Variants in SUGCT observed in about 807,000 individuals in gnomAD.
SUGCT encodes the protein succinyl-CoA:glutarate-CoA transferase.
SUGCT carries 41 observed loss-of-function variants against 55.0 expected under a neutral mutation model. The observed-to-expected ratio is 0.74, with a 90% CI of 0.58 to 0.97. SUGCT has a LOEUF of 0.97. Among genes scored for constraint, SUGCT ranks in the 50% least tolerant of loss-of-function variants. The pLI is 0.00. For missense variants in SUGCT, 568 were observed against 547.8 expected (o/e 1.04, Z -0.37); for synonymous variants, 187 against 200.4 (o/e 0.93, Z 0.56).
At chr7:40,262,588 C>G (rs1007133984) in intron 7 of SUGCT, among the ~76,000 whole-genome samples, 2 of 151,976 alleles carry the variant, frequency 1.3e-5, no homozygotes, top group East Asian at 1.9e-4. Context: ...TGGTGTGAAC[C>G]CTGGAGGTGG....
At chr7:40,543,293 C>CA (rs1794805599) in intron 12 of SUGCT, among the ~76,000 whole-genome samples, 1 of 152,062 alleles carries the variant, frequency 6.6e-6, no homozygotes, top group African/African-American at 2.4e-5. Context: ...TTATTTAGTT[C>CA]AAAAACAGTA....
intron 8 of SUGCT, among the ~76,000 whole-genome samples, chr7:40,292,848 T>C (rs1793873806): frequency 6.6e-6 from 1 of 152,208 alleles, no homozygotes; most frequent in South Asian, 2.1e-4. Flanking sequence ...ACTTGAGATA[T>C]CAGCTCAATG....
intron 6 of SUGCT, among the ~76,000 whole-genome samples, chr7:40,198,587 G>C (rs980129688): frequency 6.6e-6 from 1 of 152,118 alleles, no homozygotes; most frequent in Admixed American, 6.5e-5. Context: ...TTGGCTGGGC[G>C]TGGTGGCTCA....
intron 12 of SUGCT, among the ~76,000 whole-genome samples, chr7:40,676,907 GT>G (rs1784015875): frequency 6.6e-6 from 1 of 151,276 alleles, no homozygotes; most frequent in Non-Finnish European, 1.5e-5. Flanking sequence ...GTGTGTGTGT[GT>G]GTGTGTGTGT....
At chr7:40,825,141 A>G (rs1792252380) in intron 13 of SUGCT, among the ~76,000 whole-genome samples, 1 of 152,222 alleles carries the variant, frequency 6.6e-6, no homozygotes, top group Admixed American at 6.5e-5. Context: ...TGGAAGTAGT[A>G]TACACAACCT....
At chr7:40,990,838 C>T in the SUGCT span, among the ~76,000 whole-genome samples, 1 of 152,174 alleles carries the variant, frequency 6.6e-6, no homozygotes, top group Non-Finnish European at 1.5e-5. Context: ...TCAAATTTTT[C>T]TTCTACAGCT....
At chr7:40,290,792 C>A (rs1198084723) in intron 8 of SUGCT, among the ~76,000 whole-genome samples, 6 of 152,112 alleles carry the variant, frequency 3.9e-5, no homozygotes, top group African/African-American at 1.2e-4. Context: ...CTACAATGAA[C>A]TCAAACAAAT....
chr7:40,188,769 C>CT (rs1267135433), intron 4 of SUGCT, among the ~76,000 whole-genome samples, 189 bp downstream of exon 4: 2 of 151,994 alleles, frequency 1.3e-5, no homozygotes, highest in Non-Finnish European at 2.9e-5. Flanking sequence ...ACTACTCTTT[C>CT]TTACCTACTA....
intron 12 of SUGCT, among the ~76,000 whole-genome samples, chr7:40,502,170 A>T (rs147550738): frequency 3.8e-3 from 576 of 152,122 alleles, no homozygotes; most frequent in Admixed American, 7.6e-3. Context: ...GCTATAGTTT[A>T]TTCATCAAGC....
At chr7:40,553,715 G>A (rs1299415407) in intron 12 of SUGCT, among the ~76,000 whole-genome samples, 1 of 152,168 alleles carries the variant, frequency 6.6e-6, no homozygotes, top group Non-Finnish European at 1.5e-5. Context: ...GTGTGTGTGA[G>A]TGTGTGTGTG....
At chr7:40,731,167 A>G (rs1465308267) in intron 12 of SUGCT, among the ~76,000 whole-genome samples, 2 of 152,182 alleles carry the variant, frequency 1.3e-5, no homozygotes, top group Non-Finnish European at 2.9e-5. Context: ...GGGTGGCCCT[A>G]TTGACTTTGA....
At chr7:40,154,284 A>G (rs117995657) in intron 1 of SUGCT, 1 of 152,254 alleles carries the variant, frequency 6.6e-6, no homozygotes, top group East Asian at 1.9e-4. Flanking sequence ...AAACCTGTTC[A>G]GAGCTCTTCA....
chr7:40,716,261 C>T (rs925694877), intron 12 of SUGCT, among the ~76,000 whole-genome samples: 2 of 152,178 alleles, frequency 1.3e-5, no homozygotes, highest in African/African-American at 4.8e-5. Flanking sequence ...TCCATCAGGT[C>T]AGAAGAGTGG....
rs1792321118 is a variant in SUGCT, at chr7:40,274,385, T to A, written c.577-128T>A. 4 of 883,548 alleles carry A rather than the reference T, an allele frequency of 4.5e-6. No homozygotes were observed. In the South Asian group the frequency reaches 8.8e-5, roughly 19 times the overall value. 54.7% of individuals were successfully genotyped at this position (883,548 alleles called of 1,614,324 possible). ...ATAGCAATTTATTTTATTAACTTTC[T>A]TGTGTGTATGTGTCTGCACAGTTAA... On this transcript the variant is annotated intron_variant, in intron 7 of 13. Transcript: ENST00000335693.
At chr7:40,470,900 T>G (rs1416595402) in intron 11 of SUGCT, among the ~76,000 whole-genome samples, 1 of 152,174 alleles carries the variant, frequency 6.6e-6, no homozygotes, top group Admixed American at 6.6e-5. Context: ...GAATTGTTTT[T>G]CTTTTCTCAT....
intron 12 of SUGCT, among the ~76,000 whole-genome samples, chr7:40,506,037 T>C (rs1792570201): frequency 6.6e-6 from 1 of 152,144 alleles, no homozygotes; most frequent in South Asian, 2.1e-4. Flanking sequence ...GAAGAAATAT[T>C]CAACTGTATT....
At chr7:40,678,544 G>A (rs1288715870) in intron 12 of SUGCT, among the ~76,000 whole-genome samples, 1 of 152,016 alleles carries the variant, frequency 6.6e-6, no homozygotes, top group African/African-American at 2.4e-5. Context: ...TTCCCTTCCT[G>A]GGCAAATTTG....
At chr7:40,982,197 A>C in the SUGCT span, among the ~76,000 whole-genome samples, 58,741 of 152,034 alleles carry the variant, frequency 0.39, 11,480 homozygotes, top group African/African-American at 0.43. Flanking sequence ...AGCCATTATT[A>C]TTGCCAGTAG....
chr7:40,198,931 T>G (rs1391128302), intron 6 of SUGCT, among the ~76,000 whole-genome samples: 2 of 151,940 alleles, frequency 1.3e-5, no homozygotes, highest in East Asian at 3.9e-4. Context: ...AGGCAGAGGT[T>G]GCAGTGAGCC....
Sources: allele counts gnomAD v4.1 joint callset (sites outside exome capture counted in the v4.1 genomes callset), GRCh38; gene constraint gnomAD v4.1.1; transcripts MANE v1.5; gene names NCBI Gene and HGNC (gene_info 2026-07-23, HGNC 2026-07-21).